The following PLCE1 variants were observed in gnomAD, a reference collection of about 807,000 sequenced individuals.
PLCE1 encodes the protein 1-phosphatidylinositol 4,5-bisphosphate phosphodiesterase epsilon-1.
A neutral mutation model predicts 242.8 loss-of-function variants in PLCE1; 119 were observed. That is an observed-to-expected ratio of 0.49 (90% CI 0.42 to 0.57). The LOEUF (loss-of-function observed/expected upper bound fraction) is 0.57. Among genes scored for constraint, PLCE1 ranks in the 20% least tolerant of loss-of-function variants. The pLI, the probability that PLCE1 is intolerant of heterozygous loss-of-function variation, is 0.00. For missense variants in PLCE1, 2,441 were observed against 2,788.8 expected, an observed-to-expected ratio of 0.88 and a Z score of 2.81; for synonymous variants, 945 against 1,017.4, an observed-to-expected ratio of 0.93 and a Z score of 1.35.
At chr10:94,055,618 G>C (rs1363533866) in intron 2 of PLCE1, among the ~76,000 whole-genome samples, 1 of 152,060 alleles carries the variant, frequency 6.6e-6, no homozygotes, top group Non-Finnish European at 1.5e-5. Flanking sequence ...GTGCCTAGCT[G>C]TTGTCTTACT....
chr10:94,162,062 A>T (rs2047634333), intron 3 of PLCE1, among the ~76,000 whole-genome samples: 1 of 152,142 alleles, frequency 6.6e-6, no homozygotes, highest in Non-Finnish European at 1.5e-5. Context: ...GTTTGCCAGT[A>T]TTTTATTGAG....
intron 4 of PLCE1, among the ~76,000 whole-genome samples, chr10:94,204,685 T>A (rs539658123): frequency 1.8e-4 from 18 of 101,626 alleles, no homozygotes; most frequent in Non-Finnish European, 2.8e-4. Flanking sequence ...GAAAGAAAGA[T>A]ACACAGGAAG....
chr10:94,221,722 G>A (rs932290277), intron 4 of PLCE1, among the ~76,000 whole-genome samples: 2 of 152,068 alleles, frequency 1.3e-5, no homozygotes, highest in Non-Finnish European at 2.9e-5. Context: ...CAACAAGAGG[G>A]AAGTTCTGTC....
intron 3 of PLCE1, among the ~76,000 whole-genome samples, chr10:94,153,322 A>T (rs1054870400): frequency 1.3e-5 from 2 of 152,180 alleles, no homozygotes; most frequent in African/African-American, 4.8e-5. Context: ...CGAAAACCAC[A>T]TGGGCATCTC....
chr10:94,292,458 GAAACACTTTCATGTCCC>G (rs2052675291), intron 22 of PLCE1, among the ~76,000 whole-genome samples: 1 of 152,168 alleles, frequency 6.6e-6, no homozygotes, highest in Non-Finnish European at 1.5e-5. Context: ...TCTGAAATCT[GAAACACTTTCATGTCCC>G]AAGCATTTCA....
chr10:94,275,680 A>G (rs536957781), intron 19 of PLCE1, among the ~76,000 whole-genome samples: 1 of 152,112 alleles, frequency 6.6e-6, no homozygotes, highest in African/African-American at 2.4e-5. Context: ...TACACAAAAT[A>G]TAAAAATTAG....
At chr10:93,994,339 C>CT (rs956090670) in intron 1 of PLCE1, among the ~76,000 whole-genome samples, 81 bp downstream of exon 1, 6 of 152,230 alleles carry the variant, frequency 3.9e-5, no homozygotes, top group Non-Finnish European at 8.8e-5. Flanking sequence ...AGGCAGTCGA[C>CT]CCGCCTAAGG....
At chr10:94,131,059 A>G (rs2046585882) in intron 2 of PLCE1, among the ~76,000 whole-genome samples, 3 of 152,222 alleles carry the variant, frequency 2.0e-5, no homozygotes, top group African/African-American at 7.2e-5. Flanking sequence ...AGTTTCTGGT[A>G]TATAAACAGT....
chr10:94,325,313 A>C, intron 32 of PLCE1: 1 of 499,200 alleles, frequency 2.0e-6, no homozygotes, highest in Non-Finnish European at 3.6e-6. Context: ...GAAAAAGGGA[A>C]AGAGGCTGGG....
Position 94,132,421 on chromosome 10 carries a change from G to C in PLCE1, c.1454G>C (p.Ser485Thr). The change falls in exon 3 of 33, where the codon AGT becomes ACT. Residue 485 changes from serine to threonine, a missense_variant. Coordinates refer to ENST00000371380, the MANE Select transcript of PLCE1 (RefSeq NM_016341.4). ...TSLGARSGLL[S>T]TFGGSTGRMM... Reference sequence around the variant, plus strand: ...TTGGGAGCAAGAAGTGGCCTTCTCAGTACTTTTGGAGGATCCACTGGACGA... The same window carrying C: ...TTGGGAGCAAGAAGTGGCCTTCTCACTACTTTTGGAGGATCCACTGGACGA... The C allele has an allele frequency of 1.2e-6, 2 of 1,614,150 alleles. No homozygotes were observed. The highest frequency in any genetic ancestry group is 1.7e-6 in the Non-Finnish European group (2 of 1,180,024).
intron 4 of PLCE1, among the ~76,000 whole-genome samples, chr10:94,212,403 T>C (rs1003511306): frequency 9.2e-5 from 14 of 152,300 alleles, no homozygotes; most frequent in South Asian, 4.1e-4. Context: ...ACTACAGGCA[T>C]CCACCACTAC....
At chr10:94,134,126 A>G (rs547472319) in intron 3 of PLCE1, among the ~76,000 whole-genome samples, 1 of 147,352 alleles carries the variant, frequency 6.8e-6, no homozygotes, top group African/African-American at 2.5e-5. Context: ...TTTGAGATGC[A>G]GTCTTACTCT....
intron 2 of PLCE1, among the ~76,000 whole-genome samples, chr10:94,033,181 G>T (rs1158756246): frequency 6.6e-6 from 1 of 152,022 alleles, no homozygotes; most frequent in East Asian, 1.9e-4. Context: ...GTAGGGGGCA[G>T]TTCTGGAACC....
At chr10:94,281,753 TTTCCCCC>T (rs1212239682) in intron 20 of PLCE1, among the ~76,000 whole-genome samples, 3 of 152,136 alleles carry the variant, frequency 2.0e-5, no homozygotes, top group African/African-American at 7.2e-5. Context: ...TACATGAGTA[TTTCCCCC>T]TTCATTGAAA....
chr10:94,210,645 G>C (rs1216777400), intron 4 of PLCE1, among the ~76,000 whole-genome samples: 1 of 152,164 alleles, frequency 6.6e-6, no homozygotes, highest in Non-Finnish European at 1.5e-5. Context: ...CTTTGTGCCT[G>C]TTGAGCTGTT....
intron 2 of PLCE1, among the ~76,000 whole-genome samples, chr10:94,052,312 T>C (rs1564649418): frequency 2.0e-5 from 3 of 152,194 alleles, no homozygotes; most frequent in Admixed American, 2.0e-4. Context: ...CACAAAGAGA[T>C]AATAAACAAA....
At chr10:94,158,256 A>G (rs2047494148) in intron 3 of PLCE1, among the ~76,000 whole-genome samples, 1 of 152,090 alleles carries the variant, frequency 6.6e-6, no homozygotes, top group African/African-American at 2.4e-5. Flanking sequence ...CCTCAGGACT[A>G]TGCTGCTGGG....
intron 2 of PLCE1, among the ~76,000 whole-genome samples, chr10:94,079,140 A>G (rs1006352887): frequency 6.6e-6 from 1 of 152,194 alleles, no homozygotes; most frequent in Non-Finnish European, 1.5e-5. Context: ...AATAGCCCCA[A>G]GTTGCTTTTT....
Position 94,331,929 on chromosome 10 carries a change from T to C in PLCE1, c.*3986T>C, listed in dbSNP as rs2133974536. On this transcript the variant is annotated 3_prime_UTR_variant, in exon 33 of 33. Coordinates refer to ENST00000371380, the MANE Select transcript of PLCE1 (RefSeq NM_016341.4). ...CTCTGTTGCCCAGCCTGGAGTGCAGTGGTACGATCTCGACTCACCACAACC... is the reference window on the plus strand; with the variant it reads ...CTCTGTTGCCCAGCCTGGAGTGCAGCGGTACGATCTCGACTCACCACAACC... 6.7e-6 allele frequency: 1 copy of C among 149,626 alleles called. No homozygotes were observed. The highest frequency in any genetic ancestry group is 2.0e-4 in the East Asian group (1 of 5,058). The allele number at this position is 149,626 out of a possible 1,614,324, so 9.3% of individuals were successfully genotyped here.
Sources: gnomAD v4.1 joint callset for allele counts (sites outside exome capture counted in the v4.1 genomes callset) on GRCh38, gnomAD v4.1.1 for gene constraint, MANE v1.5 for transcripts, NCBI Gene and HGNC (gene_info 2026-07-23, HGNC 2026-07-21) for gene names.